The following CACNB2 variants were observed in gnomAD, a reference collection of about 807,000 sequenced individuals.
CACNB2 encodes the protein voltage-dependent L-type calcium channel subunit beta-2.
A neutral mutation model predicts 73.3 loss-of-function variants in CACNB2; 42 were observed. The ratio of observed to expected loss-of-function variants is 0.57; its 90% CI spans 0.45 to 0.74. The LOEUF (loss-of-function observed/expected upper bound fraction) is 0.74. Among genes scored for constraint, CACNB2 ranks in the 30% least tolerant of loss-of-function variants. The pLI is 0.00. For synonymous variants in CACNB2, 348 were observed against 310.3 expected (o/e 1.12, Z -1.28); for missense variants, 940 against 853.0 (o/e 1.10, Z -1.27).
intron 3 of CACNB2, among the ~76,000 whole-genome samples, chr10:18,462,611 G>A (rs2047641892): frequency 6.6e-6 from 1 of 152,016 alleles, no homozygotes; most frequent in African/African-American, 2.4e-5. Flanking sequence ...CATCTGAGAG[G>A]ACTTTTATAC....
chr10:18,150,856 T>TTTTTTTTTTTTTTTTTG, intron 1 of CACNB2, 27 bp from the exon 2 acceptor site: 1 of 219,784 alleles, frequency 4.5e-6, no homozygotes, highest in Non-Finnish European at 7.7e-6. Context: ...CTTATTTGTC[T>TTTTTTTTTTTTTTTTTG]TTTTTTTTTT....
Position 18,442,948 on chromosome 10 carries a change from ATATATATATGTATATATATATGTG to A in CACNB2, c.333+40915_333+40938del, listed in dbSNP as rs1564553427. ...TATGTATATATATATATATGTGTATATATATATATGTATATATATATGTGTATATATATATATGTATATATATAT... is the reference window on the plus strand; with the variant it reads ...TATGTATATATATATATATGTGTATATATATATATATATGTATATATATAT... On this transcript the variant is annotated intron_variant, in intron 3 of 13. Transcript: ENST00000324631. Among the ~76,000 whole-genome samples, 9 of 35,576 alleles carry A rather than the reference ATATATATATGTATATATATATGTG, an allele frequency of 2.5e-4. 1 individual carries two copies. The East Asian group carries it at 0.019, about 75-fold the overall frequency. The allele number at this position is 35,576 out of a possible 152,430, so 23.3% of individuals were successfully genotyped here.
chr10:18,437,323 G>C (rs999368156), intron 3 of CACNB2, among the ~76,000 whole-genome samples: 2 of 151,796 alleles, frequency 1.3e-5, no homozygotes, highest in African/African-American at 4.8e-5. Flanking sequence ...TAGTGCAGTT[G>C]GCCATTGAAC....
chr10:18,308,627 C>T (rs979415657), intron 2 of CACNB2, among the ~76,000 whole-genome samples: 16 of 152,194 alleles, frequency 1.1e-4, no homozygotes, highest in Non-Finnish European at 2.2e-4. Context: ...GGTTACCACT[C>T]AGCTTCCCCA....
chr10:18,525,786 TCTC>T lies in CACNB2; in HGVS notation c.945-1799_945-1797del, dbSNP rs1037398618. ...TTATGTCTACTTTTCTTACTTTTCT[TCTC>T]CTATCTTCCAACTCTTTTTTGTTTT... On this transcript the variant is annotated intron_variant, in intron 9 of 13. Transcript: ENST00000324631. Among the ~76,000 whole-genome samples the T allele has an allele frequency of 1.9e-3, 290 of 152,316 alleles. 3 individuals are homozygous for T. The highest frequency in any genetic ancestry group is 6.5e-3 in the African/African-American group (272 of 41,588).
In CACNB2 at chr10:18,346,066, G is replaced by C. The variant is rs558540303; in HGVS notation, c.214-55858G>C. On this transcript the variant is annotated intron_variant, in intron 2 of 13. Coordinates refer to ENST00000324631, the MANE Select transcript of CACNB2 (RefSeq NM_201596.3). ...CTGGCAGAGACCCTGTGCCTTTGTA[G>C]CTTCCTGCAGGGCTCCCCCTCCAGT... 2.6e-5 allele frequency among the ~76,000 whole-genome samples: 4 copies of C among 152,284 alleles called. No homozygotes were observed. The East Asian group carries it at 7.7e-4, about 29-fold the overall frequency.
intron 2 of CACNB2, among the ~76,000 whole-genome samples, chr10:18,329,405 G>A (rs942019519): frequency 6.6e-6 from 1 of 151,566 alleles, no homozygotes; most frequent in Non-Finnish European, 1.5e-5. Context: ...TTCTAAAGGA[G>A]CAGGAGATGA....
intron 2 of CACNB2, among the ~76,000 whole-genome samples, chr10:18,362,280 G>T (rs1051608162): frequency 6.6e-6 from 1 of 152,092 alleles, no homozygotes; most frequent in Non-Finnish European, 1.5e-5. Flanking sequence ...AACTTAATTT[G>T]TATTTCTAAA....
chr10:18,408,988 G>A (rs532568833), intron 3 of CACNB2, among the ~76,000 whole-genome samples: 56 of 152,070 alleles, frequency 3.7e-4, no homozygotes, highest in Non-Finnish European at 6.8e-4. Context: ...GAATAGCTGG[G>A]ACCACAGGCA....
intron 2 of CACNB2, among the ~76,000 whole-genome samples, chr10:18,347,558 T>G (rs540786832): frequency 2.1e-5 from 1 of 48,616 alleles, no homozygotes; most frequent in Admixed American, 2.5e-4. Flanking sequence ...ATCTCTAGGC[T>G]TTTTTTTTTC....
Position 18,542,252 on chromosome 10 carries a change from CCT to C in CACNB2, c.*2530_*2531del, listed in dbSNP as rs1240477819. ...ATCAGCTTATATATGAAAAAATTTC[CCT>C]CAGTTCGTTAATTAGCCCTACACTG... On this transcript the variant is annotated 3_prime_UTR_variant, in exon 14 of 14. Coordinates refer to ENST00000324631, the MANE Select transcript of CACNB2 (RefSeq NM_201596.3). 3 of 151,978 alleles carry C rather than the reference CCT, an allele frequency of 2.0e-5. No individual in the cohort carries two copies. In the South Asian group the frequency reaches 6.2e-4, roughly 32 times the overall value. The allele number at this position is 151,978 out of a possible 1,614,324, so 9.4% of individuals were successfully genotyped here.
intron 5 of CACNB2, among the ~76,000 whole-genome samples, chr10:18,501,720 C>G (rs567069275): frequency 6.6e-6 from 1 of 152,336 alleles, no homozygotes; most frequent in African/African-American, 2.4e-5. Flanking sequence ...CTCCATCTTA[C>G]ATCTTATTTG....
In CACNB2 at chr10:18,535,650, G is replaced by A. The variant is rs568267157; in HGVS notation, c.1207-451G>A. On this transcript the variant is annotated intron_variant, in intron 11 of 13. Coordinates refer to ENST00000324631, the MANE Select transcript of CACNB2 (RefSeq NM_201596.3). The stretch of plus-strand genomic sequence containing the variant: ...TAGCCGGGCGTGGTGGCGGGTGCCT[G>A]TAGTCCTAGCTACTTGGGAGGCTGA... 1.8e-3 allele frequency among the ~76,000 whole-genome samples: 259 copies of A among 140,160 alleles called. 3 individuals carry two copies. The highest frequency in any genetic ancestry group is 6.2e-3 in the African/African-American group (253 of 40,528). 92.0% of individuals were successfully genotyped at this position (140,160 alleles called of 152,430 possible).
At chr10:18,426,898 T>G (rs1227533953) in intron 3 of CACNB2, among the ~76,000 whole-genome samples, 1 of 152,002 alleles carries the variant, frequency 6.6e-6, no homozygotes, top group Non-Finnish European at 1.5e-5. Flanking sequence ...TAGTTTGCTG[T>G]TTTTTTCTTA....
intron 2 of CACNB2, among the ~76,000 whole-genome samples, chr10:18,171,605 G>A (rs61844176): frequency 1.6e-5 from 2 of 127,600 alleles, no homozygotes; most frequent in African/African-American, 3.0e-5. Flanking sequence ...AAAAAAAAAG[G>A]AAGGACTCTT....
intron 2 of CACNB2, among the ~76,000 whole-genome samples, chr10:18,225,792 A>G (rs780835132): frequency 2.0e-5 from 3 of 151,922 alleles, no homozygotes; most frequent in Non-Finnish European, 2.9e-5. Flanking sequence ...GATGTGCACC[A>G]TCACACCTGG....
chr10:18,401,078 G>T, intron 2 of CACNB2: 1 of 1,614,208 alleles, frequency 6.2e-7, no homozygotes, highest in Non-Finnish European at 8.5e-7. Context: ...AAGGGAGGAA[G>T]GCTGAAGAAT....
At chr10:18,478,158 C>A (rs1363335595) in intron 3 of CACNB2, among the ~76,000 whole-genome samples, 2 of 152,148 alleles carry the variant, frequency 1.3e-5, no homozygotes, top group Non-Finnish European at 2.9e-5. Context: ...TCTCAAACTC[C>A]TGACCTAAGT....
intron 3 of CACNB2, among the ~76,000 whole-genome samples, chr10:18,449,855 C>T (rs758105744): frequency 2.0e-5 from 3 of 152,186 alleles, no homozygotes; most frequent in African/African-American, 4.8e-5. Flanking sequence ...AGGCCAGTTA[C>T]AGCAGAGAAG....
Sources: allele counts gnomAD v4.1 joint callset (sites outside exome capture counted in the v4.1 genomes callset), GRCh38; gene constraint gnomAD v4.1.1; transcripts MANE v1.5; gene names NCBI Gene and HGNC (gene_info 2026-07-23, HGNC 2026-07-21).